SNX31: variants seen among roughly 807,000 people sequenced by gnomAD.
SNX31 encodes the protein sorting nexin 31.
A neutral mutation model predicts 65.4 loss-of-function variants in SNX31; 58 were observed. That is an observed-to-expected ratio of 0.89 (90% confidence interval 0.72 to 1.10). The LOEUF (loss-of-function observed/expected upper bound fraction) is 1.10. SNX31 is among the 50% of genes least tolerant of loss of function. The probability of loss-of-function intolerance (pLI) is 0.00; values close to 1 mark genes in which losing one functional copy is unlikely to be tolerated. For synonymous variants in SNX31, 181 were observed against 190.1 expected, an observed-to-expected ratio of 0.95 and a Z score of 0.39; for missense variants, 523 against 529.7, an observed-to-expected ratio of 0.99 and a Z score of 0.12.
chr8:100,577,338 A>C (rs1031032593), intron 12 of SNX31, among the ~76,000 whole-genome samples: 1 of 152,256 alleles, frequency 6.6e-6, no homozygotes, highest in Non-Finnish European at 1.5e-5. Context: ...TGATTGAAGA[A>C]AGCTTTTAAA....
intron 5 of SNX31, among the ~76,000 whole-genome samples, 171 bp downstream of exon 5, chr8:100,617,449 T>C (rs1299437430): frequency 1.3e-5 from 2 of 152,172 alleles, no homozygotes; most frequent in East Asian, 3.9e-4. Context: ...GGCTGTATCT[T>C]AGGTTCCTTG....
intron 2 of SNX31, among the ~76,000 whole-genome samples, chr8:100,646,208 T>G (rs184505582): frequency 1.3e-5 from 2 of 152,112 alleles, no homozygotes; most frequent in East Asian, 3.9e-4. Flanking sequence ...AAATAAAAGA[T>G]CTCAAAGAAA....
intron 4 of SNX31, among the ~76,000 whole-genome samples, chr8:100,624,475 T>C (rs528266521): frequency 1.3e-5 from 2 of 152,364 alleles, no homozygotes; most frequent in South Asian, 4.1e-4. Flanking sequence ...CCATGATGTC[T>C]ATTTCATTTT....
chr8:100,619,606 C>A (rs550077400), intron 4 of SNX31, among the ~76,000 whole-genome samples: 1 of 152,198 alleles, frequency 6.6e-6, no homozygotes, highest in Non-Finnish European at 1.5e-5. Flanking sequence ...GAGAGGCCAG[C>A]GGCTGCCCAC....
intron 2 of SNX31, among the ~76,000 whole-genome samples, chr8:100,643,059 C>T (rs900175915): frequency 1.3e-5 from 2 of 151,952 alleles, no homozygotes; most frequent in African/African-American, 4.8e-5. Flanking sequence ...GGTGTGGTGG[C>T]AGGCACTTGT....
chr8:100,576,215 T>C lies in SNX31; in HGVS notation c.1227+804A>G, dbSNP rs1813035852. The stretch of plus-strand genomic sequence containing the variant: ...CAAGAAAGGACTTTATATACTTACA[T>C]ATTTATAAATACTGTACATATATAC... On this transcript the variant is annotated intron_variant, in intron 13 of 13. Transcript: ENST00000311812. This position sits in a 1 kb window ranked among gnomAD's most constrained non-coding sequence, Gnocchi z 4.8. Among the ~76,000 whole-genome samples the C allele has an allele frequency of 6.6e-6, 1 of 152,232 alleles. No individual in the cohort carries two copies. The highest frequency in any genetic ancestry group is 2.1e-4 in the South Asian group (1 of 4,830).
Position 100,661,425 on chromosome 8 carries a change from A to C in SNX31, c.-58+1717T>G, listed in dbSNP as rs529905086. Among the ~76,000 whole-genome samples the C allele has an allele frequency of 1.5e-4, 23 of 152,354 alleles. No homozygotes were observed. The East Asian group carries it at 4.4e-3, about 29-fold the overall frequency. ...CTCATAAATGCAAGAAGATCAAAAA[A>C]GTCCATCAAAACCAGGAATAACAAG... On this transcript the variant is annotated intron_variant, in intron 1 of 5. Coordinates refer to the SNX31 transcript ENST00000520352.
chr8:100,591,573 C>T (rs1814596219), intron 10 of SNX31, among the ~76,000 whole-genome samples: 1 of 151,756 alleles, frequency 6.6e-6, no homozygotes, highest in African/African-American at 2.4e-5. Context: ...GGGGCTCATG[C>T]CTGTAATCCC....
chr8:100,623,395 G>A (rs929212965), intron 4 of SNX31, among the ~76,000 whole-genome samples: 1 of 152,112 alleles, frequency 6.6e-6, no homozygotes, highest in Non-Finnish European at 1.5e-5. Context: ...ATTCAACATG[G>A]GATTTGGGGG....
chr8:100,588,948 C>A lies in SNX31; in HGVS notation c.1010G>T (p.Arg337Ile), dbSNP rs781483430. 3.1e-6 allele frequency: 5 copies of A among 1,614,016 alleles called. No homozygotes were observed. The highest frequency in any genetic ancestry group is 1.1e-5 in the South Asian group (1 of 91,054). The change falls in exon 11 of 14, where the codon AGA becomes ATA. Residue 337 changes from arginine to isoleucine, a missense_variant. Arg to Ile is a moderately conservative substitution (Grantham distance 97). Coordinates refer to ENST00000311812, the MANE Select transcript of SNX31 (RefSeq NM_152628.4). This position sits in a 1 kb window ranked among gnomAD's most constrained non-coding sequence, Gnocchi z 4.8. ...GTLLDTDGPQ[R>I]TLNQNLELRF... ...GAGCTCTAAGTTCTGGTTGAGAGTT[C>A]TCTGGGGCCCATCCGTATCCAGCAG...
rs1018619684 is a variant in SNX31, at chr8:100,622,556, C to T, written c.322-4826G>A. Among the ~76,000 whole-genome samples, 2 of 152,010 alleles carry T rather than the reference C, an allele frequency of 1.3e-5. No homozygotes were observed. The highest frequency in any genetic ancestry group is 2.9e-5 in the Non-Finnish European group (2 of 68,012). ...ATCTCAGCTACTTGGGAGGCTGAGGCAGGAGAATCACTTGAACCCAGGAGG... is the reference window on the plus strand; with the variant it reads ...ATCTCAGCTACTTGGGAGGCTGAGGTAGGAGAATCACTTGAACCCAGGAGG... On this transcript the variant is annotated intron_variant, in intron 4 of 13. Coordinates refer to ENST00000311812, the MANE Select transcript of SNX31 (RefSeq NM_152628.4). This position sits in a 1 kb window ranked among gnomAD's most constrained non-coding sequence, Gnocchi z 5.0.
rs1373453043 is a variant in SNX31, at chr8:100,575,098, G to A, written c.1228-1138C>T. ...ATGTGGAGCCCCTCAGTGGGCAGAT[G>A]GGCTACAACTTTTTTTCTACGAGGG... is the stretch of plus-strand genomic sequence containing the variant. On this transcript the variant is annotated intron_variant, in intron 13 of 13. Transcript: ENST00000311812. The surrounding 1 kb of genome is among the most constrained non-coding windows in gnomAD (Gnocchi z 5.1). 6.6e-6 allele frequency among the ~76,000 whole-genome samples: 1 copy of A among 152,182 alleles called. No homozygotes were observed. Among genetic ancestry groups the A allele is most frequent in the Admixed American group, 6.5e-5 (1 of 15,284 alleles).
intron 4 of SNX31, among the ~76,000 whole-genome samples, chr8:100,623,473 C>G (rs965598720): frequency 6.6e-6 from 1 of 152,176 alleles, no homozygotes; most frequent in Admixed American, 6.5e-5. Flanking sequence ...CAACCTCATC[C>G]ACTTTCCCCA....
At chr8:100,584,871 C>A (rs1415787497) in intron 11 of SNX31, among the ~76,000 whole-genome samples, 1 of 151,522 alleles carries the variant, frequency 6.6e-6, no homozygotes, top group Non-Finnish European at 1.5e-5. Context: ...CGCTTCAGCA[C>A]GCTGCCATGC....
chr8:100,601,889 C>T (rs1170363013), intron 8 of SNX31, among the ~76,000 whole-genome samples: 2 of 107,784 alleles, frequency 1.9e-5, no homozygotes, highest in Non-Finnish European at 3.4e-5. Context: ...TCAGCCTACC[C>T]TCCCTGAGCA....
At chr8:100,645,601 T>G (rs1399382460) in intron 2 of SNX31, among the ~76,000 whole-genome samples, 1 of 144,068 alleles carries the variant, frequency 6.9e-6, no homozygotes, top group Non-Finnish European at 1.5e-5. Flanking sequence ...CTACTCAGAC[T>G]CTTCATTTTT....
At chr8:100,585,482 G>A (rs1813960026) in intron 11 of SNX31, among the ~76,000 whole-genome samples, 1 of 152,146 alleles carries the variant, frequency 6.6e-6, no homozygotes, top group African/African-American at 2.4e-5. Flanking sequence ...ACAGAAAGCA[G>A]AATTAGAGGG....
intron 13 of SNX31, among the ~76,000 whole-genome samples, chr8:100,574,809 C>G (rs186388015): frequency 9.0e-4 from 137 of 152,212 alleles, no homozygotes; most frequent in African/African-American, 3.1e-3. Context: ...TGGTGCACAC[C>G]TGTAATCCCA....
intron 1 of SNX31, among the ~76,000 whole-genome samples, chr8:100,658,574 C>A (rs1254114326): frequency 6.6e-6 from 1 of 152,160 alleles, no homozygotes; most frequent in Non-Finnish European, 1.5e-5. Context: ...ACACAACAAC[C>A]CTATGAAATA....
Sources: gnomAD v4.1 joint callset for allele counts (sites outside exome capture counted in the v4.1 genomes callset) on GRCh38, gnomAD v4.1.1 for gene constraint, Gnocchi (gnomAD v3.1) non-coding constraint, MANE v1.5 for transcripts, NCBI Gene and HGNC (gene_info 2026-07-23, HGNC 2026-07-21) for gene names.